Variants in CSNK1A1 observed in about 807,000 individuals in gnomAD.
CSNK1A1 encodes casein kinase 1 alpha 1.
Under a neutral mutation model 46.1 loss-of-function variants are expected in CSNK1A1, and 7 were observed. The ratio of observed to expected loss-of-function variants is 0.15; its 90% CI spans 0.09 to 0.29. The LOEUF (loss-of-function observed/expected upper bound fraction) is 0.29. CSNK1A1 is among the 10% of genes least tolerant of loss of function. CSNK1A1 has a pLI of 1.00. For synonymous variants in CSNK1A1, 137 were observed against 141.5 expected, an observed-to-expected ratio of 0.97 and a Z score of 0.23; for missense variants, 96 against 417.1, an observed-to-expected ratio of 0.23 and a Z score of 6.71.
chr5:149,504,801 T>A (rs1424411399), intron 9 of CSNK1A1: 1 of 985,268 alleles, frequency 1.0e-6, no homozygotes, highest in Non-Finnish European at 1.2e-6. Context: ...ATTAAGATCA[T>A]ACGTAAACTG....
chr5:149,541,970 CAAAAAA>C (rs1171466150), intron 2 of CSNK1A1, among the ~76,000 whole-genome samples: 2 of 40,038 alleles, frequency 5.0e-5, no homozygotes, highest in African/African-American at 1.7e-4. Flanking sequence ...GACTGCATCT[CAAAAAA>C]AAAAAAAAAA....
chr5:149,532,967 T>G (rs1168993029), intron 2 of CSNK1A1, among the ~76,000 whole-genome samples: 1 of 152,232 alleles, frequency 6.6e-6, no homozygotes, highest in African/African-American at 2.4e-5. Flanking sequence ...ATGTATGTTT[T>G]GCTCAGCAAT....
intron 2 of CSNK1A1, among the ~76,000 whole-genome samples, chr5:149,531,525 AAAAG>A (rs143794033): frequency 0.33 from 48,693 of 149,564 alleles, 8,758 homozygotes; most frequent in African/African-American, 0.5. Context: ...TCTCAAAAAA[AAAAG>A]AAAGAAAGAA....
chr5:149,516,787 G>C (rs1761419278), intron 4 of CSNK1A1, among the ~76,000 whole-genome samples: 1 of 151,920 alleles, frequency 6.6e-6, no homozygotes, highest in Non-Finnish European at 1.5e-5. Context: ...AAATAACTCT[G>C]AATTTCTGAA....
rs1311690619 is a variant in CSNK1A1 at position 149,542,640 on chromosome 5, GTATA to G, written c.230+7431_230+7434del. Among the ~76,000 whole-genome samples, 115 of 13,040 alleles carry G rather than the reference GTATA, an allele frequency of 8.8e-3. 4 individuals are homozygous for G. The highest frequency in any genetic ancestry group is 0.015 in the East Asian group (3 of 194). 8.6% of individuals were successfully genotyped at this position (13,040 alleles called of 152,430 possible). A position where few individuals can be genotyped will look rare whatever the true frequency, so the allele number is the denominator to read the frequency against. On this transcript the variant is annotated intron_variant, in intron 2 of 9. Transcript: ENST00000377843. Reference sequence around the variant, plus strand: ...TATATATATATATATATATATATATGTATATATATATATATATATATATATATAT... The same window carrying G: ...TATATATATATATATATATATATATGTATATATATATATATATATATATAT...
intron 2 of CSNK1A1, among the ~76,000 whole-genome samples, chr5:149,528,090 T>C (rs929489109): frequency 2.0e-5 from 3 of 152,166 alleles, no homozygotes; most frequent in African/African-American, 7.2e-5. Flanking sequence ...ATCACCTGCA[T>C]GTAAGCCTCT....
At chr5:149,497,179 T>C in intron 9 of CSNK1A1, 1 of 1,066,302 alleles carries the variant, frequency 9.4e-7, no homozygotes, top group East Asian at 6.7e-5. Flanking sequence ...ATATTAGGCA[T>C]TCACATATTT....
chr5:149,523,930 T>C lies in CSNK1A1; in HGVS notation c.357+1115A>G, dbSNP rs1761655193. Among the ~76,000 whole-genome samples the C allele has an allele frequency of 2.6e-5, 4 of 152,222 alleles. No homozygotes were observed. In the South Asian group the frequency reaches 8.3e-4, roughly 31 times the overall value. On this transcript the variant is annotated intron_variant, in intron 3 of 9. Coordinates refer to ENST00000377843, the MANE Select transcript of CSNK1A1 (RefSeq NM_001892.6). ...AACTTATTCCTCCTAACTGTATTTT[T>C]GTGCCCATTAACCTACTTCTCTTCA...
chr5:149,494,780 G>C lies in CSNK1A1; in HGVS notation c.*2073C>G, dbSNP rs1760608174. 1 of 152,166 alleles carries C rather than the reference G, an allele frequency of 6.6e-6. No homozygotes were observed. The highest frequency in any genetic ancestry group is 2.4e-5 in the African/African-American group (1 of 41,456). The allele number at this position is 152,166 out of a possible 1,614,324, so 9.4% of individuals were successfully genotyped here. A position where few individuals can be genotyped will look rare whatever the true frequency, so the allele number is the denominator to read the frequency against. Reference sequence around the variant, plus strand: ...ATTTTGATTTACAAAGCTAACAGCAGTTTTAAATCTGCAACTTAATTACAG... The same window carrying C: ...ATTTTGATTTACAAAGCTAACAGCACTTTTAAATCTGCAACTTAATTACAG... On this transcript the variant is annotated 3_prime_UTR_variant, in exon 10 of 10. Coordinates refer to ENST00000377843, the MANE Select transcript of CSNK1A1 (RefSeq NM_001892.6).
At chr5:149,544,764 T>TATATATATATATAC (rs1265125722) in intron 2 of CSNK1A1, among the ~76,000 whole-genome samples, 1 of 118,160 alleles carries the variant, frequency 8.5e-6, no homozygotes, top group Admixed American at 9.7e-5. Context: ...TATATATATA[T>TATATATATATATAC]AGTTATTGAC....
chr5:149,521,242 T>C (rs927120763), intron 3 of CSNK1A1, among the ~76,000 whole-genome samples: 1 of 151,672 alleles, frequency 6.6e-6, no homozygotes. Flanking sequence ...CCTTCCACAA[T>C]AGGCTGTAAC....
intron 2 of CSNK1A1, among the ~76,000 whole-genome samples, chr5:149,532,074 T>C (rs1341163895): frequency 6.6e-6 from 1 of 151,984 alleles, no homozygotes; most frequent in African/African-American, 2.4e-5. Context: ...AGACAGGGTT[T>C]CACCATGTTG....
intron 5 of CSNK1A1, among the ~76,000 whole-genome samples, chr5:149,512,076 A>T (rs920813378): frequency 1.3e-5 from 2 of 152,134 alleles, no homozygotes; most frequent in African/African-American, 4.8e-5. Context: ...TGGAATCCAA[A>T]ATCTGACAAA....
At chr5:149,523,597 T>G (rs1203553503) in intron 3 of CSNK1A1, among the ~76,000 whole-genome samples, 1 of 152,226 alleles carries the variant, frequency 6.6e-6, no homozygotes, top group South Asian at 2.1e-4. Context: ...TGAGTACTTT[T>G]AAGGTTAAGA....
chr5:149,550,289 G>T lies in CSNK1A1; in HGVS notation c.124-108C>A, dbSNP rs541391716. ...CTCCAAGTCGCGACTACAAGAAGAAGTGAAAAGCTGGAAAGAGAAAGCTCT... is the reference window on the plus strand; with the variant it reads ...CTCCAAGTCGCGACTACAAGAAGAATTGAAAAGCTGGAAAGAGAAAGCTCT... On this transcript the variant is annotated intron_variant, in intron 1 of 9. Transcript: ENST00000377843. The surrounding 1 kb of genome is among the most constrained non-coding windows in gnomAD (Gnocchi z 4.3). The T allele has an allele frequency of 8.0e-6, 12 of 1,500,280 alleles. No individual in the cohort carries two copies. In the Admixed American group the frequency reaches 1.8e-4, roughly 23 times the overall value. The allele number at this position is 1,500,280 out of a possible 1,614,324, so 92.9% of individuals were successfully genotyped here.
chr5:149,505,225 A>G, intron 9 of CSNK1A1: 1 of 1,226,638 alleles, frequency 8.2e-7, no homozygotes, highest in Non-Finnish European at 1.0e-6. Flanking sequence ...AAATATACAC[A>G]CATATATGTA....
At chr5:149,501,416 AG>A (rs1760851002) in intron 9 of CSNK1A1, 3 of 985,354 alleles carry the variant, frequency 3.0e-6, no homozygotes, top group South Asian at 9.4e-5. Flanking sequence ...CTGAGTGACC[AG>A]CACATTCCTA....
At chr5:149,501,362 T>G in intron 9 of CSNK1A1, 1 of 985,468 alleles carries the variant, frequency 1.0e-6, no homozygotes, top group South Asian at 4.7e-5. Context: ...GTGTTCAGAC[T>G]GTCCAGGTAT....
chr5:149,538,629 C>G (rs1447727500), intron 2 of CSNK1A1, among the ~76,000 whole-genome samples: 7 of 152,084 alleles, frequency 4.6e-5, no homozygotes, highest in Non-Finnish European at 1.0e-4. Context: ...CAAACTCAAC[C>G]TAACAGTGAA....
Sources: allele counts gnomAD v4.1 joint callset (sites outside exome capture counted in the v4.1 genomes callset), GRCh38; gene constraint gnomAD v4.1.1; non-coding constraint Gnocchi (gnomAD v3.1); transcripts MANE v1.5; gene names NCBI Gene and HGNC (gene_info 2026-07-23, HGNC 2026-07-21).